The following FGF12 variants were observed in gnomAD, a reference collection of about 807,000 sequenced individuals.
The protein encoded by FGF12 is fibroblast growth factor 12B.
In FGF12, 14 loss-of-function variants were observed where a neutral mutation model predicts 23.6. The ratio of observed to expected loss-of-function variants is 0.59; its 90% CI spans 0.39 to 0.93. The LOEUF (loss-of-function observed/expected upper bound fraction) is 0.93. Ranked by LOEUF, FGF12 falls within the 40% of genes least tolerant of loss-of-function variation. The probability of loss-of-function intolerance (pLI) is 0.00; values close to 1 mark genes in which losing one functional copy is unlikely to be tolerated. For synonymous variants in FGF12, 62 were observed against 77.3 expected, an observed-to-expected ratio of 0.80 and a Z score of 1.04; for missense variants, 175 against 217.8, an observed-to-expected ratio of 0.80 and a Z score of 1.24.
intron 2 of FGF12, among the ~76,000 whole-genome samples, chr3:192,710,684 C>A (rs1181835921): frequency 2.0e-5 from 3 of 152,200 alleles, no homozygotes; most frequent in East Asian, 1.9e-4. Context: ...GGTATTATAA[C>A]CTCAAATCCT....
At chr3:192,326,786 T>TA (rs1716843306) in intron 4 of FGF12, among the ~76,000 whole-genome samples, 1 of 152,198 alleles carries the variant, frequency 6.6e-6, no homozygotes, top group Admixed American at 6.5e-5. Context: ...GAAGCAATAT[T>TA]GATTAAAGAA....
chr3:192,664,594 C>A (rs374840282), intron 2 of FGF12, among the ~76,000 whole-genome samples: 26 of 97,048 alleles, frequency 2.7e-4, no homozygotes, highest in African/African-American at 3.9e-4. Flanking sequence ...ACTAAAAATA[C>A]AAAAAAAATA....
intron 4 of FGF12, among the ~76,000 whole-genome samples, chr3:192,292,493 T>C (rs1397922657): frequency 6.6e-6 from 1 of 152,176 alleles, no homozygotes; most frequent in Non-Finnish European, 1.5e-5. Context: ...AACATCTGAG[T>C]CAATTCTATT....
chr3:192,471,595 G>C (rs1455834047), intron 2 of FGF12, among the ~76,000 whole-genome samples: 1 of 152,296 alleles, frequency 6.6e-6, no homozygotes, highest in African/African-American at 2.4e-5. Flanking sequence ...TCACAGAATT[G>C]AAGTAACTCA....
At chr3:192,559,956 A>G (rs1711943913) in intron 2 of FGF12, among the ~76,000 whole-genome samples, 2 of 152,162 alleles carry the variant, frequency 1.3e-5, no homozygotes, top group Admixed American at 6.5e-5. Context: ...TCCCTTTCAA[A>G]TGCTAAAAAT....
At chr3:192,404,846 C>T (rs1206094390) in intron 2 of FGF12, among the ~76,000 whole-genome samples, 1 of 152,164 alleles carries the variant, frequency 6.6e-6, no homozygotes, top group Non-Finnish European at 1.5e-5. Flanking sequence ...AGTCCAATGG[C>T]CTCCTTAGCC....
intron 3 of FGF12, among the ~76,000 whole-genome samples, chr3:192,350,012 G>T (rs1277239077): frequency 3.9e-5 from 6 of 151,952 alleles, no homozygotes; most frequent in Non-Finnish European, 8.8e-5. Context: ...TAAATCTTTT[G>T]GTTTCAATGG....
At chr3:192,473,179 A>G (rs1204912183) in intron 2 of FGF12, among the ~76,000 whole-genome samples, 1 of 152,234 alleles carries the variant, frequency 6.6e-6, no homozygotes, top group African/African-American at 2.4e-5. Flanking sequence ...CAGGAAATAC[A>G]AGATACAAGG....
At position 192,140,908 on chromosome 3, in the gene FGF12, T is replaced by C. The variant is rs977454014; in HGVS notation, c.*3101A>G. 1 of 151,904 alleles carries C rather than the reference T, an allele frequency of 6.6e-6. No homozygotes were observed. The highest frequency in any genetic ancestry group is 2.4e-5 in the African/African-American group (1 of 41,416). The allele number at this position is 151,904 out of a possible 1,614,324, so 9.4% of individuals were successfully genotyped here. ...GGAACTTCAGCTCCATTTGTTTCTA[T>C]ACTTTATTCTGCGAGCTTAAAAATC... On this transcript the variant is annotated 3_prime_UTR_variant, in exon 6 of 6. Transcript: ENST00000445105.
chr3:192,590,755 T>C (rs943883242), intron 2 of FGF12, among the ~76,000 whole-genome samples: 2 of 151,892 alleles, frequency 1.3e-5, no homozygotes, highest in African/African-American at 4.8e-5. Context: ...TCTTGAATTA[T>C]GGATTTTGTG....
chr3:192,655,752 A>T (rs1236048553), intron 2 of FGF12, among the ~76,000 whole-genome samples: 3 of 152,166 alleles, frequency 2.0e-5, no homozygotes, highest in Non-Finnish European at 2.9e-5. Flanking sequence ...GAAGAAGAAG[A>T]TGATTTTCCC....
intron 4 of FGF12, among the ~76,000 whole-genome samples, chr3:192,178,689 G>A (rs926059807): frequency 6.6e-6 from 1 of 152,070 alleles, no homozygotes; most frequent in African/African-American, 2.4e-5. Flanking sequence ...GTAGAGACAG[G>A]GTTTCACCCT....
chr3:192,426,513 A>C (rs1320856944), intron 2 of FGF12, among the ~76,000 whole-genome samples: 1 of 152,230 alleles, frequency 6.6e-6, no homozygotes, highest in African/African-American at 2.4e-5. Context: ...TTAGGCTTCA[A>C]ATTTGGAAAT....
At position 192,408,525 on chromosome 3, in the gene FGF12, C is replaced by G; in HGVS notation, c.14-47987G>C. 8.3e-7 allele frequency: 1 copy of G among 1,205,092 alleles called. No individual in the cohort carries two copies. The highest frequency in any genetic ancestry group is 4.2e-5 in the Admixed American group (1 of 23,988). The allele number at this position is 1,205,092 out of a possible 1,614,324, so 74.6% of individuals were successfully genotyped here. On this transcript the variant is annotated intron_variant, in intron 2 of 5. Transcript: ENST00000445105. The surrounding 1 kb of genome is among the most constrained non-coding windows in gnomAD (Gnocchi z 7.3). ...AGACGTTTGCACCCCAAACTTGCAC[C>G]CCAAGGCGATCGGCGTCCAAGGGGC... is the stretch of plus-strand genomic sequence containing the variant.
intron 3 of FGF12, among the ~76,000 whole-genome samples, chr3:192,354,052 G>C (rs1718354133): frequency 6.6e-6 from 1 of 152,132 alleles, no homozygotes; most frequent in Non-Finnish European, 1.5e-5. Flanking sequence ...CTTGTGACTG[G>C]TGGTATCAAA....
At chr3:192,407,347 A>G (rs972719680) in intron 2 of FGF12, among the ~76,000 whole-genome samples, 1 of 152,144 alleles carries the variant, frequency 6.6e-6, no homozygotes, top group Non-Finnish European at 1.5e-5. Context: ...TAGGACAGAA[A>G]CGTTAATGAG....
chr3:192,416,476 G>A (rs748784990), intron 2 of FGF12, among the ~76,000 whole-genome samples: 3 of 152,092 alleles, frequency 2.0e-5, no homozygotes, highest in East Asian at 3.9e-4. Context: ...TTATGGCACT[G>A]ATTTGTGAAA....
Position 192,408,178 on chromosome 3 carries a change from C to A in FGF12, c.14-47640G>T. The A allele has an allele frequency of 6.2e-7, 1 of 1,609,082 alleles. No homozygotes were observed. Among genetic ancestry groups the A allele is most frequent in the Non-Finnish European group, 8.5e-7 (1 of 1,179,662 alleles). The stretch of plus-strand genomic sequence containing the variant: ...ACTCGGTCGCTGTTGGACTCCCTCG[C>A]CTGCCGCTTCTGCCGGATCAAGGAG... On this transcript the variant is annotated intron_variant, in intron 2 of 5. Coordinates refer to ENST00000445105, the MANE Select transcript of FGF12 (RefSeq NM_004113.6). The surrounding 1 kb of genome is among the most constrained non-coding windows in gnomAD (Gnocchi z 7.3).
At chr3:192,243,817 G>T (rs1220063326) in intron 4 of FGF12, among the ~76,000 whole-genome samples, 2 of 151,994 alleles carry the variant, frequency 1.3e-5, no homozygotes, top group Non-Finnish European at 2.9e-5. Flanking sequence ...AAGGTAAAAA[G>T]TGGGAAGCAT....
Sources: gnomAD v4.1 joint callset for allele counts (sites outside exome capture counted in the v4.1 genomes callset) on GRCh38, gnomAD v4.1.1 for gene constraint, Gnocchi (gnomAD v3.1) non-coding constraint, MANE v1.5 for transcripts, NCBI Gene and HGNC (gene_info 2026-07-23, HGNC 2026-07-21) for gene names.